Variants in DLAT observed in about 807,000 individuals in gnomAD.
The protein encoded by DLAT is dihydrolipoamide S-acetyltransferase.
Under a neutral mutation model 68.0 loss-of-function variants are expected in DLAT, and 43 were observed. The observed-to-expected ratio is 0.63, with a 90% CI of 0.50 to 0.81. The LOEUF (loss-of-function observed/expected upper bound fraction) is 0.81, where lower values mean the gene tolerates loss of function less well. Ranked by LOEUF, DLAT falls within the 40% of genes least tolerant of loss-of-function variation. The pLI, the probability that DLAT is intolerant of heterozygous loss-of-function variation, is 0.00. For missense variants in DLAT, 745 were observed against 815.4 expected, an observed-to-expected ratio of 0.91 and a Z score of 1.05; for synonymous variants, 265 against 288.6, an observed-to-expected ratio of 0.92 and a Z score of 0.83.
rs587667137 is a variant in DLAT, at chr11:112,025,896, G to C, written c.279+145G>C. 3.0e-5 allele frequency: 33 copies of C among 1,084,520 alleles called. No homozygotes were observed. In the African/African-American group the frequency reaches 5.1e-4, roughly 17 times the overall value. 67.2% of individuals were successfully genotyped at this position (1,084,520 alleles called of 1,614,324 possible). On this transcript the variant is annotated intron_variant, in intron 1 of 13. Coordinates refer to ENST00000280346, the MANE Select transcript of DLAT (RefSeq NM_001931.5). ...CCTTTGTCCAATAGTTGGCTTTGCT[G>C]TAGCTCCTTAGTGTCCCTCTCATGA...
chr11:112,046,256 T>C (rs1275265132), intron 10 of DLAT, among the ~76,000 whole-genome samples: 2 of 152,214 alleles, frequency 1.3e-5, no homozygotes, highest in Non-Finnish European at 2.9e-5. Flanking sequence ...TTAGTTCTTA[T>C]ATTCAGGTCT....
intron 11 of DLAT, among the ~76,000 whole-genome samples, chr11:112,054,987 G>T (rs1441871936): frequency 6.6e-6 from 1 of 152,050 alleles, no homozygotes; most frequent in African/African-American, 2.4e-5. Context: ...GATAATATAG[G>T]ATGATCTTAT....
intron 4 of DLAT, among the ~76,000 whole-genome samples, chr11:112,031,954 GGC>G (rs1292609918): frequency 1.6e-5 from 2 of 121,974 alleles, no homozygotes; most frequent in East Asian, 5.4e-4. Flanking sequence ...GGAGTGTAGT[GGC>G]ACGATCTTGG....
intron 5 of DLAT, among the ~76,000 whole-genome samples, chr11:112,036,201 G>GTTTTTTGTTTTTTTTTT (rs1862755018): frequency 2.7e-5 from 1 of 36,474 alleles, no homozygotes; most frequent in African/African-American, 9.0e-5. Context: ...GTGTGTGTGT[G>GTTTTTTGTTTTTTTTTT]TTTTTTTTTT....
chr11:112,056,716 T>C (rs1864112469), intron 11 of DLAT, among the ~76,000 whole-genome samples: 1 of 152,238 alleles, frequency 6.6e-6, no homozygotes, highest in African/African-American at 2.4e-5. Flanking sequence ...AGTCATAGGG[T>C]AAAATTATGT....
chr11:112,064,350 G>T lies in DLAT; in HGVS notation c.*1815G>T. The T allele has an allele frequency of 5.5e-6, 4 of 725,050 alleles. No individual in the cohort carries two copies. The highest frequency in any genetic ancestry group is 2.6e-5 in the South Asian group (1 of 39,018). The allele number at this position is 725,050 out of a possible 1,614,324, so 44.9% of individuals were successfully genotyped here. A position where few individuals can be genotyped will look rare whatever the true frequency, so the allele number is the denominator to read the frequency against. The stretch of plus-strand genomic sequence containing the variant: ...GAAAAAAGTTAGAAATAGTGTTTTT[G>T]GTTCATATGATTATTTAAAAATTAA... On this transcript the variant is annotated 3_prime_UTR_variant, in exon 14 of 14. Transcript: ENST00000280346.
At chr11:112,030,702 C>T (rs782781201) in intron 4 of DLAT, among the ~76,000 whole-genome samples, 1 of 152,192 alleles carries the variant, frequency 6.6e-6, no homozygotes, top group Non-Finnish European at 1.5e-5. Context: ...TTAGGGTTAT[C>T]GTCTGTATAT....
At chr11:112,036,359 A>G (rs1166591731) in intron 5 of DLAT, among the ~76,000 whole-genome samples, 61 of 143,778 alleles carry the variant, frequency 4.2e-4, no homozygotes, top group Admixed American at 8.3e-4. Context: ...GATTACAGGC[A>G]TGCGCCACCA....
chr11:112,028,019 G>C (rs1555179579), intron 2 of DLAT, among the ~76,000 whole-genome samples: 1 of 152,182 alleles, frequency 6.6e-6, no homozygotes, highest in Non-Finnish European at 1.5e-5. Context: ...ACTGAACATT[G>C]ACTTTCTGGA....
intron 10 of DLAT, among the ~76,000 whole-genome samples, chr11:112,047,605 G>T (rs1393416239): frequency 6.6e-6 from 1 of 152,104 alleles, no homozygotes; most frequent in Non-Finnish European, 1.5e-5. Context: ...TAGGTCTTAC[G>T]TTTAAGTCTT....
At chr11:112,027,295 C>T (rs11823477) in intron 2 of DLAT, among the ~76,000 whole-genome samples, 9 of 134,954 alleles carry the variant, frequency 6.7e-5, no homozygotes, top group African/African-American at 3.1e-4. Context: ...TCCTCACATC[C>T]CAGACGGGGC....
rs1231044674 is a variant in DLAT, at chr11:112,064,295, A to T, written c.*1760A>T. The T allele has an allele frequency of 3.1e-6, 4 of 1,304,264 alleles. No individual in the cohort carries two copies. The African/African-American group carries it at 6.0e-5, about 20-fold the overall frequency. 80.8% of individuals were successfully genotyped at this position (1,304,264 alleles called of 1,614,324 possible). A position where few individuals can be genotyped will look rare whatever the true frequency, so the allele number is the denominator to read the frequency against. ...AAAAATTAATCTGAGCTATAATCTAAATCGATTCAGTCTCTTACCAGAACT... is the reference window on the plus strand; with the variant it reads ...AAAAATTAATCTGAGCTATAATCTATATCGATTCAGTCTCTTACCAGAACT... On this transcript the variant is annotated 3_prime_UTR_variant, in exon 14 of 14. Coordinates refer to ENST00000280346, the MANE Select transcript of DLAT (RefSeq NM_001931.5).
In DLAT at chr11:112,054,506, G is replaced by A. The variant is rs587741010; in HGVS notation, c.1514+3157G>A. 1.1e-4 allele frequency among the ~76,000 whole-genome samples: 16 copies of A among 152,178 alleles called. No individual in the cohort carries two copies. The South Asian group carries it at 2.3e-3, about 22-fold the overall frequency. ...GCTTTAGGGAAGGCTAGTTTTCTAC[G>A]TATATGTGAATTCTTTCTGAAACTC... On this transcript the variant is annotated intron_variant, in intron 11 of 13. Transcript: ENST00000280346.
intron 5 of DLAT, among the ~76,000 whole-genome samples, chr11:112,034,859 C>T (rs1042839616): frequency 2.0e-5 from 3 of 151,518 alleles, no homozygotes; most frequent in South Asian, 2.1e-4. Context: ...CTGCAGCCTC[C>T]GCCTCCTGGG....
At chr11:112,035,221 A>G (rs1862638455) in intron 5 of DLAT, among the ~76,000 whole-genome samples, 1 of 152,232 alleles carries the variant, frequency 6.6e-6, no homozygotes, top group Admixed American at 6.5e-5. Context: ...AGGGGGAATT[A>G]AAGAGCAGGA....
chr11:112,047,098 C>T (rs868995390), intron 10 of DLAT, among the ~76,000 whole-genome samples: 1 of 152,192 alleles, frequency 6.6e-6, no homozygotes, highest in Non-Finnish European at 1.5e-5. Context: ...AGTGTAAAAG[C>T]GTTCCTATTT....
At chr11:112,035,405 T>C (rs1446577753) in intron 5 of DLAT, among the ~76,000 whole-genome samples, 5 of 152,214 alleles carry the variant, frequency 3.3e-5, no homozygotes, top group Non-Finnish European at 7.3e-5. Flanking sequence ...CCAGTGTCAC[T>C]ATAGAGACTA....
chr11:112,028,462 A>G, intron 2 of DLAT, 53 bp from the exon 3 acceptor site: 2 of 1,599,360 alleles, frequency 1.3e-6, no homozygotes, highest in Non-Finnish European at 1.7e-6. Context: ...ACACAAGCTA[A>G]TAAATTACAT....
intron 4 of DLAT, chr11:112,030,196 T>C: frequency 1.7e-6 from 1 of 600,744 alleles, no homozygotes; most frequent in Non-Finnish European, 3.2e-6. Context: ...TTGTATCCTA[T>C]TGGAACCCCA....
Sources: allele counts gnomAD v4.1 joint callset (sites outside exome capture counted in the v4.1 genomes callset), GRCh38; gene constraint gnomAD v4.1.1; transcripts MANE v1.5; gene names NCBI Gene and HGNC (gene_info 2026-07-23, HGNC 2026-07-21).